The following DNAJC3 variants were observed in gnomAD, a reference collection of about 807,000 sequenced individuals.
The protein encoded by DNAJC3 is DnaJ heat shock protein family (Hsp40) member C3, also known as dnaJ homolog subfamily C member 3.
In DNAJC3, 38 loss-of-function variants were observed where a neutral mutation model predicts 68.6. The ratio of observed to expected loss-of-function variants is 0.55; its 90% CI spans 0.43 to 0.73. The LOEUF (loss-of-function observed/expected upper bound fraction) is 0.73, where lower values mean the gene tolerates loss of function less well. Ranked by LOEUF, DNAJC3 falls within the 30% of genes least tolerant of loss-of-function variation. DNAJC3 has a pLI of 0.00. For synonymous variants in DNAJC3, 203 were observed against 204.0 expected, an observed-to-expected ratio of 1.00 and a Z score of 0.04; for missense variants, 526 against 591.9, an observed-to-expected ratio of 0.89 and a Z score of 1.16.
At chr13:95,783,292 G>A (rs1343660270) in intron 9 of DNAJC3, among the ~76,000 whole-genome samples, 1 of 152,138 alleles carries the variant, frequency 6.6e-6, no homozygotes, top group East Asian at 1.9e-4. Flanking sequence ...TTTGTCTTAT[G>A]TTGGGAAAAA....
chr13:95,689,725 A>T (rs1186726002), intron 1 of DNAJC3, among the ~76,000 whole-genome samples: 1 of 152,024 alleles, frequency 6.6e-6, no homozygotes, highest in Non-Finnish European at 1.5e-5. Flanking sequence ...TTTTTGATGT[A>T]GGCATTTAAT....
At chr13:95,689,221 T>C (rs1477068798) in intron 1 of DNAJC3, among the ~76,000 whole-genome samples, 1 of 151,420 alleles carries the variant, frequency 6.6e-6, no homozygotes, top group Non-Finnish European at 1.5e-5. Flanking sequence ...AAAAAATCTG[T>C]CCTGGGCTTT....
At chr13:95,730,297 A>G (rs1881670620) in intron 4 of DNAJC3, among the ~76,000 whole-genome samples, 1 of 152,100 alleles carries the variant, frequency 6.6e-6, no homozygotes, top group African/African-American at 2.4e-5. Context: ...CCCAGCCCAG[A>G]AGCTTTTTAG....
chr13:95,794,066 C>T lies in DNAJC3; in HGVS notation c.*3036C>T, dbSNP rs1594037972. ...ATCTTGACAGTTTACTAATGTGAAT[C>T]AGATGTAACGTACTACTAATTCTAC... On this transcript the variant is annotated 3_prime_UTR_variant, in exon 12 of 12. Transcript: ENST00000602402. 6.6e-6 allele frequency: 1 copy of T among 152,146 alleles called. No individual in the cohort carries two copies. Among genetic ancestry groups the T allele is most frequent in the Admixed American group, 6.5e-5 (1 of 15,274 alleles). The allele number at this position is 152,146 out of a possible 1,614,324, so 9.4% of individuals were successfully genotyped here. A position where few individuals can be genotyped will look rare whatever the true frequency, so the allele number is the denominator to read the frequency against.
At chr13:95,749,897 A>G (rs1882420824) in intron 4 of DNAJC3, among the ~76,000 whole-genome samples, 1 of 152,160 alleles carries the variant, frequency 6.6e-6, no homozygotes, top group African/African-American at 2.4e-5. Context: ...AAAATACAAA[A>G]AAATTAGCTG....
chr13:95,709,412 C>CGTTT, intron 2 of DNAJC3, 75 bp downstream of exon 2: 1 of 1,019,172 alleles, frequency 9.8e-7, no homozygotes, highest in Non-Finnish European at 1.4e-6. Flanking sequence ...TTAAAAATAA[C>CGTTT]ATTTAAAATA....
At chr13:95,688,344 T>C (rs1018775699) in intron 1 of DNAJC3, among the ~76,000 whole-genome samples, 1 of 128,942 alleles carries the variant, frequency 7.8e-6, no homozygotes, top group African/African-American at 4.3e-5. Flanking sequence ...GGCATCCTTG[T>C]CTTTTCTAGT....
At chr13:95,737,020 T>G (rs1723912092) in intron 4 of DNAJC3, among the ~76,000 whole-genome samples, 1 of 152,012 alleles carries the variant, frequency 6.6e-6, no homozygotes, top group Non-Finnish European at 1.5e-5. Context: ...ATTGAGAGTT[T>G]TTAGCCTGAA....
At chr13:95,780,288 A>T (rs1258498872) in intron 9 of DNAJC3, among the ~76,000 whole-genome samples, 1 of 152,020 alleles carries the variant, frequency 6.6e-6, no homozygotes, top group Non-Finnish European at 1.5e-5. Flanking sequence ...GTTCTCTGGG[A>T]TCTGCCGCAC....
intron 9 of DNAJC3, among the ~76,000 whole-genome samples, chr13:95,785,452 C>CTTTTT (rs36052714): frequency 1.2e-3 from 92 of 77,938 alleles, no homozygotes; most frequent in African/African-American, 2.1e-3. Flanking sequence ...CCTTTTAAAC[C>CTTTTT]TTTTTTTTTT....
At chr13:95,693,615 G>A (rs1880344646) in intron 1 of DNAJC3, 1 of 109,382 alleles carries the variant, frequency 9.1e-6, no homozygotes, top group African/African-American at 4.1e-5. Context: ...TAGGGATTTT[G>A]CTAGCAATGG....
At chr13:95,704,520 C>T (rs1043374598) in intron 1 of DNAJC3, among the ~76,000 whole-genome samples, 1 of 152,194 alleles carries the variant, frequency 6.6e-6, no homozygotes, top group Admixed American at 6.5e-5. Context: ...ACATTGTCCA[C>T]CTCTTTTGCT....
rs114324828 is a variant in DNAJC3, at chr13:95,774,318, C to A, written c.1075+10365C>A. ...GATGCATGGATTATGTATAGGTGTT[C>A]TAATTTTCAAATAGTTGATGGTTTC... On this transcript the variant is annotated intron_variant, in intron 9 of 11. Coordinates refer to ENST00000602402, the MANE Select transcript of DNAJC3 (RefSeq NM_006260.5). 5.3e-3 allele frequency among the ~76,000 whole-genome samples: 801 copies of A among 152,132 alleles called. 9 individuals carry two copies. The highest frequency in any genetic ancestry group is 0.019 in the African/African-American group (769 of 41,492).
intron 9 of DNAJC3, among the ~76,000 whole-genome samples, chr13:95,767,689 G>C (rs1883030653): frequency 1.4e-5 from 2 of 145,818 alleles, no homozygotes; most frequent in South Asian, 2.1e-4. Flanking sequence ...ACAGTTTTTT[G>C]GGTTTTTTTT....
chr13:95,763,647 A>C lies in DNAJC3; in HGVS notation c.853A>C (p.Thr285Pro). 1 of 1,613,460 alleles carries C rather than the reference A, an allele frequency of 6.2e-7. No homozygotes were observed. The highest frequency in any genetic ancestry group is 1.1e-5 in the South Asian group (1 of 91,028). The change falls in exon 8 of 12, where the codon ACA becomes CCA. Residue 285 changes from threonine to proline, a missense_variant. Coordinates refer to ENST00000602402, the MANE Select transcript of DNAJC3 (RefSeq NM_006260.5). ...CATGATTTGCTCATTTCTTAGATAC[A>C]CAGATGCTACCAGCAAATATGAATC... ...AEELIRDGRYTDATSKYESVM... is the reference protein window; with the variant it reads ...AEELIRDGRYPDATSKYESVM...
chr13:95,741,703 C>T (rs2080754830), intron 4 of DNAJC3, among the ~76,000 whole-genome samples: 2 of 152,254 alleles, frequency 1.3e-5, no homozygotes, highest in Admixed American at 6.5e-5. Flanking sequence ...TTGGCGATGG[C>T]TACACTGTGT....
intron 9 of DNAJC3, among the ~76,000 whole-genome samples, chr13:95,776,015 T>C (rs1594023634): frequency 1.3e-5 from 2 of 151,868 alleles, no homozygotes; most frequent in East Asian, 3.9e-4. Context: ...TTTTTTTTTC[T>C]TTTCACTCTG....
chr13:95,764,035 C>T, intron 9 of DNAJC3, 82 bp downstream of exon 9: 1 of 1,543,434 alleles, frequency 6.5e-7, no homozygotes, highest in South Asian at 1.3e-5. Context: ...TTCCTTAAAA[C>T]AAATTTACCA....
At chr13:95,716,251 A>C (rs76777342) in intron 2 of DNAJC3, among the ~76,000 whole-genome samples, 2,289 of 152,318 alleles carry the variant, frequency 0.015, 59 homozygotes, top group African/African-American at 0.052. Flanking sequence ...CAGGGCGTGC[A>C]ACAGGGTTGT....
Sources: gnomAD v4.1 joint callset for allele counts (sites outside exome capture counted in the v4.1 genomes callset) on GRCh38, gnomAD v4.1.1 for gene constraint, MANE v1.5 for transcripts, NCBI Gene and HGNC (gene_info 2026-07-23, HGNC 2026-07-21) for gene names.